WWOX: variants seen among roughly 807,000 people sequenced by gnomAD.
WWOX encodes the protein WW domain-containing oxidoreductase.
A neutral mutation model predicts 46.2 loss-of-function variants in WWOX; 69 were observed. The observed-to-expected ratio is 1.49, with a 90% CI of 1.23 to 1.82. WWOX has a LOEUF of 1.82. Ranked by LOEUF, WWOX falls within the 40% of genes most tolerant of loss-of-function variation. The probability of loss-of-function intolerance (pLI) is 0.00; values close to 1 mark genes in which losing one functional copy is unlikely to be tolerated. For missense variants in WWOX, 919 were observed against 542.6 expected (o/e 1.69, Z -6.89); for synonymous variants, 359 against 202.6 (o/e 1.77, Z -6.56).
intron 8 of WWOX, among the ~76,000 whole-genome samples, chr16:79,088,382 C>G (rs1471650188): frequency 6.6e-6 from 1 of 152,176 alleles, no homozygotes; most frequent in African/African-American, 2.4e-5. Context: ...TCCCCTGAGA[C>G]TCTGATCAGA....
intron 8 of WWOX, among the ~76,000 whole-genome samples, chr16:78,887,478 C>G: frequency 1.1e-5 from 1 of 88,662 alleles, no homozygotes; most frequent in East Asian, 3.9e-4. Flanking sequence ...AACACACACA[C>G]ACACACACAC....
At chr16:78,189,918 G>A (rs1948597634) in intron 5 of WWOX, among the ~76,000 whole-genome samples, 1 of 151,992 alleles carries the variant, frequency 6.6e-6, no homozygotes, top group Admixed American at 6.6e-5. Flanking sequence ...GCCTCCCAAA[G>A]TGCTGGGATT....
chr16:78,459,500 G>A (rs929273200), intron 8 of WWOX, among the ~76,000 whole-genome samples: 1 of 152,090 alleles, frequency 6.6e-6, no homozygotes, highest in Non-Finnish European at 1.5e-5. Flanking sequence ...CTGCCATTTT[G>A]CATATTCTTG....
intron 8 of WWOX, among the ~76,000 whole-genome samples, chr16:79,118,456 A>T (rs2049562749): frequency 6.6e-6 from 1 of 152,212 alleles, no homozygotes; most frequent in South Asian, 2.1e-4. Flanking sequence ...GAATTATCAA[A>T]ATGTGATACA....
chr16:78,240,177 C>A (rs751225234), intron 5 of WWOX, among the ~76,000 whole-genome samples: 1 of 152,000 alleles, frequency 6.6e-6, no homozygotes, highest in Non-Finnish European at 1.5e-5. Flanking sequence ...GACGGTTATC[C>A]TCATGAGAAG....
intron 5 of WWOX, among the ~76,000 whole-genome samples, chr16:78,337,470 C>G (rs548836426): frequency 1.2e-4 from 19 of 152,192 alleles, no homozygotes; most frequent in African/African-American, 4.6e-4. Flanking sequence ...AATTAATAAA[C>G]CAATATCGAT....
At chr16:78,197,737 T>C (rs949176084) in intron 5 of WWOX, among the ~76,000 whole-genome samples, 3 of 152,154 alleles carry the variant, frequency 2.0e-5, no homozygotes, top group African/African-American at 7.2e-5. Context: ...AAGGATGTCA[T>C]TGTCTTCACT....
chr16:78,246,757 T>C (rs2037827097), intron 5 of WWOX, among the ~76,000 whole-genome samples: 1 of 152,214 alleles, frequency 6.6e-6, no homozygotes, highest in African/African-American at 2.4e-5. Context: ...TCCGTTCTTT[T>C]AACCTTGTTC....
At chr16:78,620,379 C>G (rs559099603) in intron 8 of WWOX, among the ~76,000 whole-genome samples, 10 of 152,282 alleles carry the variant, frequency 6.6e-5, no homozygotes, top group East Asian at 5.8e-4. Context: ...CAAGTTTCCT[C>G]CAACAGACTC....
At chr16:78,214,299 A>G (rs1383794677) in intron 5 of WWOX, among the ~76,000 whole-genome samples, 1 of 151,686 alleles carries the variant, frequency 6.6e-6, no homozygotes, top group African/African-American at 2.4e-5. Context: ...CTAGCCAAGT[A>G]CTGAACCTCT....
intron 5 of WWOX, among the ~76,000 whole-genome samples, chr16:78,364,445 T>C (rs920097043): frequency 4.3e-5 from 5 of 115,438 alleles, no homozygotes; most frequent in Non-Finnish European, 8.6e-5. Flanking sequence ...GCATGTAGCT[T>C]TTCCAGGAGG....
chr16:78,941,452 G>A (rs552412129), intron 8 of WWOX, among the ~76,000 whole-genome samples: 5 of 150,440 alleles, frequency 3.3e-5, no homozygotes, highest in South Asian at 2.1e-4. Flanking sequence ...ACCTTCCTCC[G>A]AACAAAGTCC....
At chr16:78,460,401 C>G (rs80007458) in intron 8 of WWOX, among the ~76,000 whole-genome samples, 3,045 of 152,304 alleles carry the variant, frequency 0.02, 38 homozygotes, top group African/African-American at 0.041. Context: ...AGGTACCCCG[C>G]CTGGCTGATA....
chr16:78,420,901 T>C (rs2082912590), intron 6 of WWOX, among the ~76,000 whole-genome samples: 1 of 152,122 alleles, frequency 6.6e-6, no homozygotes, highest in African/African-American at 2.4e-5. Flanking sequence ...GGAAATCTTT[T>C]CGTGGGGTAT....
chr16:78,956,150 T>G (rs2046162260), intron 8 of WWOX, among the ~76,000 whole-genome samples: 1 of 151,154 alleles, frequency 6.6e-6, no homozygotes, highest in African/African-American at 2.4e-5. Context: ...GTTTTGGGGG[T>G]TTGTTGTTGT....
rs1025861465 is a variant in WWOX, at chr16:78,511,980, T to G, written c.1056+79228T>G. Among the ~76,000 whole-genome samples the G allele has an allele frequency of 2.0e-5, 3 of 152,226 alleles. No homozygotes were observed. The East Asian group carries it at 5.8e-4, about 29-fold the overall frequency. On this transcript the variant is annotated intron_variant, in intron 8 of 8. Transcript: ENST00000566780. ...GTAAGATAGCATCTCATAGATCCAC[T>G]TTACATATGAAAAGAAGTTGTATCA...
At chr16:78,918,651 A>G (rs2045307308) in intron 8 of WWOX, among the ~76,000 whole-genome samples, 1 of 152,100 alleles carries the variant, frequency 6.6e-6, no homozygotes, top group African/African-American at 2.4e-5. Context: ...AATAACAGTT[A>G]ATGTTGAAAT....
chr16:79,090,494 TG>T (rs1433941966), intron 8 of WWOX, among the ~76,000 whole-genome samples: 1 of 151,996 alleles, frequency 6.6e-6, no homozygotes, highest in Non-Finnish European at 1.5e-5. Context: ...TCATTCTACT[TG>T]GGGAAAGAGA....
intron 8 of WWOX, among the ~76,000 whole-genome samples, chr16:78,874,559 C>CA (rs1427124897): frequency 2.6e-5 from 4 of 151,796 alleles, no homozygotes; most frequent in African/African-American, 9.7e-5. Flanking sequence ...TTATTCATGG[C>CA]AAAAGATGTC....
Sources: allele counts gnomAD v4.1 joint callset (sites outside exome capture counted in the v4.1 genomes callset), GRCh38; gene constraint gnomAD v4.1.1; transcripts MANE v1.5; gene names NCBI Gene and HGNC (gene_info 2026-07-23, HGNC 2026-07-21).